FAF1: variants seen among roughly 807,000 people sequenced by gnomAD.
FAF1 encodes FAS-associated factor 1.
Under a neutral mutation model 92.5 loss-of-function variants are expected in FAF1, and 25 were observed. The observed-to-expected ratio is 0.27, with a 90% CI of 0.20 to 0.38. FAF1 has a LOEUF of 0.38. Among genes scored for constraint, FAF1 ranks in the 10% least tolerant of loss-of-function variants. The pLI, the probability that FAF1 is intolerant of heterozygous loss-of-function variation, is 1.00. For missense variants in FAF1, 636 were observed against 793.3 expected, an observed-to-expected ratio of 0.80 and a Z score of 2.38; for synonymous variants, 234 against 273.2, an observed-to-expected ratio of 0.86 and a Z score of 1.42.
chr1:50,792,777 T>C (rs1450998516), intron 3 of FAF1, among the ~76,000 whole-genome samples: 2 of 152,146 alleles, frequency 1.3e-5, no homozygotes, highest in African/African-American at 4.8e-5. Context: ...GGGAATGACA[T>C]GGGGAGATGA....
intron 4 of FAF1, among the ~76,000 whole-genome samples, chr1:50,765,809 G>A (rs1660547933): frequency 6.6e-6 from 1 of 152,020 alleles, no homozygotes; most frequent in Admixed American, 6.6e-5. Context: ...AGTAAAATAG[G>A]GCTAGGCATG....
At chr1:50,500,757 A>T (rs1281258487) in intron 15 of FAF1, among the ~76,000 whole-genome samples, 2 of 152,190 alleles carry the variant, frequency 1.3e-5, no homozygotes, top group African/African-American at 4.8e-5. Context: ...AAATATGTAC[A>T]ACTATTATGT....
intron 2 of FAF1, among the ~76,000 whole-genome samples, chr1:50,848,779 T>G (rs1477926188): frequency 1.3e-5 from 2 of 152,110 alleles, no homozygotes; most frequent in African/African-American, 2.4e-5. Flanking sequence ...AAATACCTGA[T>G]CAGTAATCTC....
At chr1:50,924,288 A>T (rs1644987538) in intron 1 of FAF1, among the ~76,000 whole-genome samples, 1 of 152,106 alleles carries the variant, frequency 6.6e-6, no homozygotes. Flanking sequence ...ATTTGAAAAA[A>T]AAAAAACAAG....
At chr1:50,689,993 CTTTTTTT>C (rs1159221059) in intron 7 of FAF1, among the ~76,000 whole-genome samples, 3 of 122,336 alleles carry the variant, frequency 2.5e-5, no homozygotes, top group East Asian at 2.3e-4. Flanking sequence ...CATTATATTT[CTTTTTTT>C]TTTTTTTTTT....
intron 15 of FAF1, among the ~76,000 whole-genome samples, chr1:50,519,590 A>G (rs1473365243): frequency 6.6e-6 from 1 of 152,242 alleles, no homozygotes; most frequent in Non-Finnish European, 1.5e-5. Context: ...GGTGTGGTTT[A>G]TGCTAAAAAT....
chr1:50,618,521 C>T (rs556459990), intron 8 of FAF1, among the ~76,000 whole-genome samples: 5 of 150,920 alleles, frequency 3.3e-5, no homozygotes, highest in African/African-American at 1.2e-4. Context: ...CCTCGGCCTC[C>T]CAAAGTGCTG....
intron 1 of FAF1, among the ~76,000 whole-genome samples, chr1:50,931,946 T>C (rs1645051739): frequency 1.4e-5 from 2 of 141,196 alleles, no homozygotes. Context: ...AAAGACTGAC[T>C]CCCATGATTC....
intron 18 of FAF1, among the ~76,000 whole-genome samples, chr1:50,446,047 A>G (rs926952731): frequency 2.6e-5 from 4 of 152,150 alleles, no homozygotes; most frequent in East Asian, 3.9e-4. Flanking sequence ...ATGTGAATCC[A>G]TGGGACAGAT....
intron 8 of FAF1, among the ~76,000 whole-genome samples, chr1:50,636,645 C>A (rs933682588): frequency 1.3e-5 from 2 of 152,008 alleles, no homozygotes; most frequent in Non-Finnish European, 2.9e-5. Flanking sequence ...CGTGAGCCAC[C>A]GCGCCTGGCC....
intron 1 of FAF1, among the ~76,000 whole-genome samples, chr1:50,919,468 T>C (rs1426977237): frequency 6.6e-6 from 1 of 151,760 alleles, no homozygotes; most frequent in African/African-American, 2.4e-5. Context: ...AAATAAAGGC[T>C]GCCGGGGGGT....
In FAF1 at chr1:50,649,555, C is replaced by T. The variant is rs76932415; in HGVS notation, c.744+5887G>A. Among the ~76,000 whole-genome samples the T allele has an allele frequency of 7.6e-3, 1,162 of 152,242 alleles. 12 individuals carry two copies. The highest frequency in any genetic ancestry group is 0.027 in the African/African-American group (1,122 of 41,556). On this transcript the variant is annotated intron_variant, in intron 8 of 18. Coordinates refer to ENST00000396153, the MANE Select transcript of FAF1 (RefSeq NM_007051.3). The stretch of plus-strand genomic sequence containing the variant: ...AAGTAGCTTTCTGAATCCTAACACA[C>T]GCCCAAAGAGCTTTGATTCTAAAAT...
At chr1:50,587,839 T>G (rs1051382335) in intron 9 of FAF1, among the ~76,000 whole-genome samples, 2 of 152,170 alleles carry the variant, frequency 1.3e-5, no homozygotes, top group African/African-American at 4.8e-5. Context: ...GGGGTAGGAA[T>G]CAGGAAAAAC....
At chr1:50,693,800 C>T (rs992629701) in intron 7 of FAF1, among the ~76,000 whole-genome samples, 6 of 151,998 alleles carry the variant, frequency 3.9e-5, no homozygotes, top group African/African-American at 1.4e-4. Context: ...TACAGACTAG[C>T]ACACACCCCT....
intron 2 of FAF1, among the ~76,000 whole-genome samples, chr1:50,843,671 C>T (rs116139765): frequency 1.1e-3 from 171 of 151,962 alleles, no homozygotes; most frequent in African/African-American, 3.9e-3. Context: ...AACATAATGT[C>T]CTCCCGTTCT....
intron 6 of FAF1, among the ~76,000 whole-genome samples, chr1:50,728,801 AAAAG>A (rs1658773477): frequency 6.6e-6 from 1 of 150,894 alleles, no homozygotes; most frequent in Non-Finnish European, 1.5e-5. Context: ...AAAAAAAAAA[AAAAG>A]AAAAGAAAAA....
At chr1:50,745,561 G>A (rs77339514) in intron 4 of FAF1, among the ~76,000 whole-genome samples, 8,673 of 152,092 alleles carry the variant, frequency 0.057, 352 homozygotes, top group Non-Finnish European at 0.084. Flanking sequence ...GGGTTCTCAG[G>A]AGATCTGGTT....
chr1:50,891,687 G>C (rs902872710), intron 1 of FAF1, among the ~76,000 whole-genome samples: 4 of 152,220 alleles, frequency 2.6e-5, no homozygotes, highest in Admixed American at 2.0e-4. Flanking sequence ...CTGCTGAACA[G>C]CAAATGTTGC....
chr1:50,527,815 C>G (rs1276138497), intron 15 of FAF1, among the ~76,000 whole-genome samples: 1 of 63,914 alleles, frequency 1.6e-5, no homozygotes, highest in Non-Finnish European at 3.4e-5. Context: ...TCTGCTGTCT[C>G]TCTCTCTCTC....
Sources: allele counts gnomAD v4.1 joint callset (sites outside exome capture counted in the v4.1 genomes callset), GRCh38; gene constraint gnomAD v4.1.1; transcripts MANE v1.5; gene names NCBI Gene and HGNC (gene_info 2026-07-23, HGNC 2026-07-21).